The following IFT74 variants were observed in gnomAD, a reference collection of about 807,000 sequenced individuals.
IFT74 encodes intraflagellar transport 74, also known as intraflagellar transport protein 74 homolog.
Under a neutral mutation model 96.7 loss-of-function variants are expected in IFT74, and 92 were observed. That is an observed-to-expected ratio of 0.95 (90% CI 0.80 to 1.13). IFT74 has a LOEUF of 1.13. IFT74 is among the 50% of genes most tolerant of loss of function. IFT74 has a pLI of 0.00. For synonymous variants in IFT74, 223 were observed against 213.2 expected (o/e 1.05, Z -0.40); for missense variants, 811 against 698.2 (o/e 1.16, Z -1.82).
Position 26,990,048 on chromosome 9 carries a change from A to G in IFT74, c.526-86A>G, listed in dbSNP as rs116137251. ...ACTAGGATAATTATAGTAATTTCTCATTTAGTTCCTAGCCAAAATAACCTA... is the reference window on the plus strand; with the variant it reads ...ACTAGGATAATTATAGTAATTTCTCGTTTAGTTCCTAGCCAAAATAACCTA... On this transcript the variant is annotated intron_variant, in intron 7 of 19. Transcript: ENST00000380062. The G allele has an allele frequency of 2.1e-3, 1,367 of 650,350 alleles. 14 individuals carry two copies. Among genetic ancestry groups the G allele is most frequent in the African/African-American group, 0.02 (1,034 of 52,246 alleles). The allele number at this position is 650,350 out of a possible 1,614,324, so 40.3% of individuals were successfully genotyped here.
intron 2 of IFT74, among the ~76,000 whole-genome samples, chr9:26,970,507 G>A (rs933231443): frequency 4.6e-5 from 7 of 152,116 alleles, no homozygotes; most frequent in African/African-American, 1.4e-4. Flanking sequence ...TATTTTTAAT[G>A]TGTACAGTTT....
chr9:27,025,764 G>C (rs1218166667), intron 12 of IFT74, among the ~76,000 whole-genome samples: 5 of 152,116 alleles, frequency 3.3e-5, no homozygotes. Flanking sequence ...CAAAGATAAA[G>C]TCATTTTCAG....
In IFT74 at chr9:26,948,448, A is replaced by ATTATTTTTTTTTTTTTT. The variant is rs1825819541; in HGVS notation, c.-20+1304_-20+1305insATTTTTTTTTTTTTTTT. 1.0e-3 allele frequency among the ~76,000 whole-genome samples: 60 copies of ATTATTTTTTTTTTTTTT among 59,164 alleles called. 7 individuals carry two copies. The highest frequency in any genetic ancestry group is 1.6e-3 in the Non-Finnish European group (41 of 26,082). The allele number at this position is 59,164 out of a possible 152,430, so 38.8% of individuals were successfully genotyped here. ...TGACAACCTGTGATGGCTTTCCATT[A>ATTATTTTTTTTTTTTTT]TTTTTTTTTTTTTTTTTTTTTTTTT... On this transcript the variant is annotated intron_variant, in intron 1 of 19. Coordinates refer to the IFT74 transcript ENST00000433700.
At chr9:26,993,189 G>A (rs1001638954) in intron 8 of IFT74, 2 of 151,948 alleles carry the variant, frequency 1.3e-5, no homozygotes, top group African/African-American at 4.8e-5. Flanking sequence ...ATTCAACAGA[G>A]GCCCTTGAAT....
At chr9:27,054,133 TTTCTC>T (rs1201896103) in intron 16 of IFT74, among the ~76,000 whole-genome samples, 18 of 152,240 alleles carry the variant, frequency 1.2e-4, no homozygotes, top group African/African-American at 4.3e-4. Flanking sequence ...AACAGCCTGT[TTTCTC>T]AAATCAGTGA....
intron 8 of IFT74, among the ~76,000 whole-genome samples, chr9:26,991,430 G>A (rs1384071298): frequency 6.6e-6 from 1 of 152,072 alleles, no homozygotes; most frequent in East Asian, 1.9e-4. Context: ...ACGTTGCTCA[G>A]GCTAGTCTCA....
At chr9:26,950,970 C>T (rs1348177329) in intron 1 of IFT74, among the ~76,000 whole-genome samples, 2 of 152,242 alleles carry the variant, frequency 1.3e-5, no homozygotes, top group East Asian at 3.9e-4. Context: ...TTCAGCAGTT[C>T]AAAGGTTTAA....
At chr9:27,057,955 A>C (rs945039158) in intron 18 of IFT74, among the ~76,000 whole-genome samples, 1 of 152,216 alleles carries the variant, frequency 6.6e-6, no homozygotes, top group Non-Finnish European at 1.5e-5. Context: ...ACATAGGTAC[A>C]ACCGTTGTTA....
rs751893169 is a variant in IFT74 at position 27,040,544 on chromosome 9, C to CAAAA, written c.1055-4178_1055-4175dup. Among the ~76,000 whole-genome samples the CAAAA allele has an allele frequency of 2.7e-3, 164 of 61,804 alleles. 2 individuals carry two copies. The highest frequency in any genetic ancestry group is 4.6e-3 in the African/African-American group (81 of 17,726). 40.5% of individuals were successfully genotyped at this position (61,804 alleles called of 152,430 possible). A position where few individuals can be genotyped will look rare whatever the true frequency, so the allele number is the denominator to read the frequency against. ...TGGGCAACAGAACGAGACACTGTCT[C>CAAAA]AAAAAAAAAAAAAAAAAAAAAAAGA... On this transcript the variant is annotated intron_variant, in intron 13 of 19. Transcript: ENST00000380062.
chr9:27,001,665 C>T (rs931528308), intron 8 of IFT74, among the ~76,000 whole-genome samples: 3 of 151,994 alleles, frequency 2.0e-5, no homozygotes, highest in African/African-American at 4.8e-5. Flanking sequence ...TGTTTTTTAT[C>T]GGTTTGTTTT....
intron 12 of IFT74, among the ~76,000 whole-genome samples, chr9:27,020,624 G>A (rs941936247): frequency 6.6e-5 from 10 of 151,872 alleles, no homozygotes; most frequent in South Asian, 2.1e-4. Flanking sequence ...ACAGGCGCCC[G>A]CCACTGCGCC....
At chr9:27,029,674 G>T (rs909387925) in intron 13 of IFT74, among the ~76,000 whole-genome samples, 2 of 152,150 alleles carry the variant, frequency 1.3e-5, no homozygotes, top group Non-Finnish European at 2.9e-5. Context: ...ACTTGAACTC[G>T]GAGGCAGAGG....
chr9:26,980,187 T>G (rs1027030322), intron 3 of IFT74, among the ~76,000 whole-genome samples: 1 of 152,212 alleles, frequency 6.6e-6, no homozygotes. Flanking sequence ...AGCCAAATTT[T>G]AAGTGCTTCT....
intron 3 of IFT74, among the ~76,000 whole-genome samples, chr9:26,979,934 T>G (rs1827297500): frequency 2.0e-5 from 3 of 151,900 alleles, no homozygotes; most frequent in African/African-American, 7.3e-5. Flanking sequence ...AGGCTGGTCT[T>G]GAACTTCTGA....
At chr9:26,985,374 C>T (rs1378569279) in intron 6 of IFT74, among the ~76,000 whole-genome samples, 1 of 152,090 alleles carries the variant, frequency 6.6e-6, no homozygotes, top group Non-Finnish European at 1.5e-5. Flanking sequence ...ATTAAATAAT[C>T]TGCACAACAA....
At chr9:26,980,688 G>A (rs1450803118) in intron 4 of IFT74, 69 bp downstream of exon 4, 1 of 972,800 alleles carries the variant, frequency 1.0e-6, no homozygotes, top group Non-Finnish European at 1.6e-6. Context: ...TCAAAATAGA[G>A]TATATAACTT....
chr9:26,992,321 A>T (rs1827923256), intron 8 of IFT74, among the ~76,000 whole-genome samples: 1 of 152,184 alleles, frequency 6.6e-6, no homozygotes, highest in Admixed American at 6.5e-5. Flanking sequence ...CAAACCATTT[A>T]AAAACTCTGT....
intron 8 of IFT74, chr9:26,993,925 T>C (rs1828006763): frequency 6.6e-6 from 1 of 152,264 alleles, no homozygotes; most frequent in Non-Finnish European, 1.5e-5. Flanking sequence ...TCTTAATTTC[T>C]CTGCATATGA....
At chr9:27,036,358 A>T in intron 13 of IFT74, 1 of 1,453,758 alleles carries the variant, frequency 6.9e-7, no homozygotes, top group Non-Finnish European at 9.1e-7. Flanking sequence ...TGCCAAAGTT[A>T]GTTTAAAACA....
Sources: allele counts gnomAD v4.1 joint callset (sites outside exome capture counted in the v4.1 genomes callset), GRCh38; gene constraint gnomAD v4.1.1; transcripts MANE v1.5; gene names NCBI Gene and HGNC (gene_info 2026-07-23, HGNC 2026-07-21).